BICD1: variants seen among roughly 807,000 people sequenced by gnomAD.
BICD1 encodes BICD cargo adaptor 1.
BICD1 carries 35 observed loss-of-function variants against 92.5 expected under a neutral mutation model. The ratio of observed to expected loss-of-function variants is 0.38; its 90% CI spans 0.29 to 0.50. The LOEUF is 0.50. Among genes scored for constraint, BICD1 ranks in the 20% least tolerant of loss-of-function variants. BICD1 has a pLI of 0.93. For synonymous variants in BICD1, 429 were observed against 465.1 expected, an observed-to-expected ratio of 0.92 and a Z score of 1.00; for missense variants, 950 against 1,189.8, an observed-to-expected ratio of 0.80 and a Z score of 2.97.
Position 32,294,114 on chromosome 12 carries a change from C to G in BICD1, c.547C>G (p.Gln183Glu). 6.2e-7 allele frequency: 1 copy of G among 1,607,212 alleles called. No homozygotes were observed. Among genetic ancestry groups the G allele is most frequent in the Middle Eastern group, 1.7e-4 (1 of 6,050 alleles). ...TELEEENITL[Q>E]KLVSTLKQNQ... ...ATTGGAAGAAGAAAATATCACATTG[C>G]AGAAACTAGTGTCCACGTTGAAGCA... The change falls in exon 3 of 10, where the codon CAG becomes GAG. Residue 183 changes from glutamine (Q) to glutamate (E), a missense_variant. Physicochemically the swap from Gln to Glu is conservative, Grantham distance 29. This residue lies in a region of BICD1 where 14 missense variants were observed against 40.0 expected (regional missense o/e 0.35). Transcript: ENST00000652176.
At position 32,339,921 on chromosome 12, in the gene BICD1, C is replaced by T. The variant is rs185410847; in HGVS notation, c.2764+942C>T. 19 of 848,630 alleles carry T rather than the reference C, an allele frequency of 2.2e-5. No individual in the cohort carries two copies. In the East Asian group the frequency reaches 1.2e-3, roughly 55 times the overall value. 52.6% of individuals were successfully genotyped at this position (848,630 alleles called of 1,614,324 possible). ...TCTGGCAGCCCTAGGTCTGCGTTCA[C>T]GCATGTCAACACCTGTTGGAGCTCT... is the stretch of plus-strand genomic sequence containing the variant. On this transcript the variant is annotated intron_variant, in intron 8 of 9. Coordinates refer to ENST00000652176, the MANE Select transcript of BICD1 (RefSeq NM_001714.4).
At chr12:32,239,826 T>G (rs937208107) in intron 2 of BICD1, among the ~76,000 whole-genome samples, 2 of 151,978 alleles carry the variant, frequency 1.3e-5, no homozygotes, top group African/African-American at 4.8e-5. Flanking sequence ...CAGGCTGGTC[T>G]CAAACTCCCA....
chr12:32,329,099 A>T (rs1273458694), intron 5 of BICD1, among the ~76,000 whole-genome samples: 1 of 140,726 alleles, frequency 7.1e-6, no homozygotes, highest in Non-Finnish European at 1.6e-5. Context: ...AATTATTATT[A>T]TTATTATTTT....
At chr12:32,275,842 A>G (rs1023358682) in intron 2 of BICD1, among the ~76,000 whole-genome samples, 5 of 152,146 alleles carry the variant, frequency 3.3e-5, no homozygotes, top group Admixed American at 3.3e-4. Context: ...CGAGCTGAAC[A>G]CTAGTCACTG....
At chr12:32,342,097 T>G (rs1938387642) in intron 8 of BICD1, among the ~76,000 whole-genome samples, 1 of 148,960 alleles carries the variant, frequency 6.7e-6, no homozygotes. Context: ...ATCAGAATGT[T>G]TTTGATAAGC....
rs192733024 is a variant in BICD1, at chr12:32,260,810, G to A, written c.427-33184G>A. On this transcript the variant is annotated intron_variant, in intron 2 of 9. Coordinates refer to ENST00000652176, the MANE Select transcript of BICD1 (RefSeq NM_001714.4). ...CTGGATTCCTGTCTAAGCCCTTTAG[G>A]GTTTCAGGACAATTCACTGTGTGGG... is the stretch of plus-strand genomic sequence containing the variant. 2.0e-5 allele frequency among the ~76,000 whole-genome samples: 3 copies of A among 151,976 alleles called. No homozygotes were observed. In the East Asian group the frequency reaches 5.8e-4, roughly 29 times the overall value.
chr12:32,382,000 G>A lies in BICD1; in HGVS notation c.*4373G>A, dbSNP rs1291945065. On this transcript the variant is annotated 3_prime_UTR_variant, in exon 10 of 10. Coordinates refer to ENST00000652176, the MANE Select transcript of BICD1 (RefSeq NM_001714.4). ...GCATGATCAGTGCTGATACTGACAA[G>A]TACTTTTTTACCTTAAAATCAACTT... 1 of 152,074 alleles carries A rather than the reference G, an allele frequency of 6.6e-6. No homozygotes were observed. The highest frequency in any genetic ancestry group is 1.5e-5 in the Non-Finnish European group (1 of 67,962). The allele number at this position is 152,074 out of a possible 1,614,324, so 9.4% of individuals were successfully genotyped here.
chr12:32,129,285 G>T (rs1365363023), intron 1 of BICD1, among the ~76,000 whole-genome samples: 1 of 151,290 alleles, frequency 6.6e-6, no homozygotes, highest in Non-Finnish European at 1.5e-5. Context: ...AGCACTTTGG[G>T]AGTCCAGGCA....
At chr12:32,333,458 T>A (rs1937967948) in intron 5 of BICD1, among the ~76,000 whole-genome samples, 1 of 152,198 alleles carries the variant, frequency 6.6e-6, no homozygotes, top group Non-Finnish European at 1.5e-5. Context: ...TTTCTATAGA[T>A]GTTGGCACTT....
chr12:32,332,948 T>G (rs534476961), intron 5 of BICD1: 1 of 985,390 alleles, frequency 1.0e-6, no homozygotes, highest in South Asian at 4.7e-5. Context: ...TATGGATACT[T>G]AAAATTACTT....
chr12:32,116,458 G>GTCTGTCTC (rs1249271001), intron 1 of BICD1, among the ~76,000 whole-genome samples: 3 of 111,826 alleles, frequency 2.7e-5, no homozygotes, highest in Non-Finnish European at 5.5e-5. Flanking sequence ...CTGTCTGTCT[G>GTCTGTCTC]TCTGTCTCTC....
intron 1 of BICD1, among the ~76,000 whole-genome samples, chr12:32,211,137 T>C (rs1209952656): frequency 6.6e-6 from 1 of 152,244 alleles, no homozygotes; most frequent in African/African-American, 2.4e-5. Flanking sequence ...TTCTTAGTTC[T>C]CAGTGGATTT....
intron 3 of BICD1, 131 bp downstream of exon 3, chr12:32,294,277 A>C: frequency 1.1e-6 from 1 of 928,076 alleles, no homozygotes; most frequent in African/African-American, 1.7e-5. Flanking sequence ...TATGTACTGC[A>C]ATGTCCCAAC....
intron 3 of BICD1, among the ~76,000 whole-genome samples, chr12:32,301,638 G>A (rs1948049882): frequency 1.3e-5 from 2 of 151,604 alleles, no homozygotes; most frequent in African/African-American, 4.8e-5. Context: ...AGCCAAGCAT[G>A]GAGGTATGCG....
intron 9 of BICD1, 158 bp downstream of exon 9, chr12:32,367,903 C>A (rs145140578): frequency 1.8e-5 from 12 of 651,216 alleles, no homozygotes; most frequent in Non-Finnish European, 2.7e-5. Flanking sequence ...ACCTGCAGTC[C>A]CTGCGTTCCC....
intron 8 of BICD1, among the ~76,000 whole-genome samples, chr12:32,355,565 G>A (rs1303499042): frequency 6.6e-6 from 1 of 152,204 alleles, no homozygotes; most frequent in Non-Finnish European, 1.5e-5. Flanking sequence ...ACTTTGGGAG[G>A]CTGAGGCAGG....
chr12:32,272,905 G>A (rs1008224307), intron 2 of BICD1, among the ~76,000 whole-genome samples: 3 of 152,092 alleles, frequency 2.0e-5, no homozygotes, highest in African/African-American at 4.8e-5. Context: ...TGTTATGTTC[G>A]TATAAAAGAA....
In BICD1 at chr12:32,327,529, G is replaced by C; in HGVS notation, c.1074G>C (p.Lys358Asn). ...QESQTQLEHT[K>N]GALTEQHERV... The stretch of plus-strand genomic sequence containing the variant: ...CACAGACACAGCTGGAACACACCAA[G>C]GGGGCACTGACGGAGCAGCATGAGC... Residue 358 changes from lysine (K) to asparagine (N), a missense_variant, in exon 5 of 10, where the codon AAG becomes AAC. Physicochemically the swap from Lys to Asn is moderately conservative, Grantham distance 94 (BLOSUM62 0). This residue lies in a region of BICD1 where 246 missense variants were observed against 258.4 expected (regional missense o/e 0.95). Transcript: ENST00000652176. The C allele has an allele frequency of 6.2e-7, 1 of 1,614,136 alleles. No individual in the cohort carries two copies. Among genetic ancestry groups the C allele is most frequent in the South Asian group, 1.1e-5 (1 of 91,082 alleles).
chr12:32,230,423 TAAATAAATAAATAAATAAATAAGC>T (rs200865058), intron 2 of BICD1, among the ~76,000 whole-genome samples: 10,805 of 93,540 alleles, frequency 0.12, 873 homozygotes, highest in East Asian at 0.5. Flanking sequence ...AATAAATAAA[TAAATAAATAAATAAATAAATAAGC>T]AAGCAAATAA....
Sources: gnomAD v4.1 joint callset for allele counts (sites outside exome capture counted in the v4.1 genomes callset) on GRCh38, gnomAD v4.1.1 for gene constraint, gnomAD v4.1.1 regional missense constraint, MANE v1.5 for transcripts, NCBI Gene and HGNC (gene_info 2026-07-23, HGNC 2026-07-21) for gene names.